The following GPR158 variants were observed in gnomAD, a reference collection of about 807,000 sequenced individuals.
The protein encoded by GPR158 is G protein-coupled receptor 158, also known as metabotropic glycine receptor.
Under a neutral mutation model 78.2 loss-of-function variants are expected in GPR158, and 30 were observed. The observed-to-expected ratio is 0.38, with a 90% CI of 0.29 to 0.52. The LOEUF is 0.52. GPR158 is among the 20% of genes least tolerant of loss of function. The pLI, the probability that GPR158 is intolerant of heterozygous loss-of-function variation, is 0.83. For synonymous variants in GPR158, 581 were observed against 591.1 expected, an observed-to-expected ratio of 0.98 and a Z score of 0.25; for missense variants, 1,463 against 1,523.5, an observed-to-expected ratio of 0.96 and a Z score of 0.66.
chr10:25,569,193 G>A (rs905916183), intron 6 of GPR158, among the ~76,000 whole-genome samples: 23 of 152,150 alleles, frequency 1.5e-4, no homozygotes, highest in African/African-American at 4.6e-4. Flanking sequence ...AGATTATAGG[G>A]ATCTGACAAT....
intron 5 of GPR158, among the ~76,000 whole-genome samples, chr10:25,542,110 G>C (rs1298125184): frequency 6.6e-6 from 1 of 151,804 alleles, no homozygotes; most frequent in Non-Finnish European, 1.5e-5. Flanking sequence ...CTAGTACACA[G>C]TAATCTTTTT....
chr10:25,203,664 A>G (rs979413068), intron 1 of GPR158, among the ~76,000 whole-genome samples: 1 of 145,202 alleles, frequency 6.9e-6, no homozygotes. Context: ...GTAGCCTTGT[A>G]GTATAGTTTG....
At chr10:25,463,452 T>C (rs78742422) in intron 4 of GPR158, among the ~76,000 whole-genome samples, 2,715 of 152,170 alleles carry the variant, frequency 0.018, 88 homozygotes, top group African/African-American at 0.063. Flanking sequence ...GATATATAGA[T>C]GAGGTATGCC....
At chr10:25,303,571 G>A (rs914221175) in intron 2 of GPR158, among the ~76,000 whole-genome samples, 28 of 152,222 alleles carry the variant, frequency 1.8e-4, no homozygotes, top group Admixed American at 6.5e-5. Context: ...TAATAGTGGC[G>A]CAAACCGTTA....
intron 2 of GPR158, among the ~76,000 whole-genome samples, chr10:25,243,355 C>T (rs542219725): frequency 2.0e-5 from 3 of 152,284 alleles, no homozygotes; most frequent in South Asian, 2.1e-4. Context: ...ATCTGGATTA[C>T]GTTATTCAGC....
chr10:25,535,325 A>T (rs1054510477), intron 5 of GPR158, among the ~76,000 whole-genome samples: 9 of 152,128 alleles, frequency 5.9e-5, no homozygotes, highest in Non-Finnish European at 1.2e-4. Flanking sequence ...TACAACTTTC[A>T]TCTTGCTAGA....
intron 2 of GPR158, among the ~76,000 whole-genome samples, chr10:25,337,983 T>G (rs1037175790): frequency 1.3e-5 from 2 of 152,006 alleles, no homozygotes; most frequent in African/African-American, 2.4e-5. Context: ...CCTTTTTTCT[T>G]ATTGACCTAT....
chr10:25,241,365 T>C (rs867506475), intron 2 of GPR158, among the ~76,000 whole-genome samples: 59 of 126,524 alleles, frequency 4.7e-4, no homozygotes, highest in African/African-American at 2.1e-3. Flanking sequence ...CTTTTCTCTT[T>C]TCTTTTCTCT....
chr10:25,501,912 C>T (rs1230272248), intron 5 of GPR158, among the ~76,000 whole-genome samples: 1 of 152,152 alleles, frequency 6.6e-6, no homozygotes, highest in South Asian at 2.1e-4. Flanking sequence ...CTCATCTCCT[C>T]ACACTGCTGT....
intron 2 of GPR158, among the ~76,000 whole-genome samples, chr10:25,344,644 A>G (rs1294481240): frequency 6.6e-6 from 1 of 152,038 alleles, no homozygotes; most frequent in Non-Finnish European, 1.5e-5. Flanking sequence ...GATGAAGCCC[A>G]GAAACTCCAG....
chr10:25,476,254 A>G (rs961753307), intron 5 of GPR158, among the ~76,000 whole-genome samples: 20 of 152,178 alleles, frequency 1.3e-4, no homozygotes, highest in African/African-American at 4.8e-4. Context: ...TTAAGAAAAA[A>G]CTAAAGTGTA....
At chr10:25,195,382 T>C (rs1438803232) in intron 1 of GPR158, among the ~76,000 whole-genome samples, 1 of 152,088 alleles carries the variant, frequency 6.6e-6, no homozygotes, top group Non-Finnish European at 1.5e-5. Flanking sequence ...AATTTTTGTA[T>C]TTTTGTAGAG....
Position 25,176,395 on chromosome 10 carries a change from T to C in GPR158, c.902+73T>C. 8.5e-7 allele frequency: 1 copy of C among 1,181,286 alleles called. No homozygotes were observed. Among genetic ancestry groups the C allele is most frequent in the Non-Finnish European group, 1.2e-6 (1 of 850,148 alleles). 73.2% of individuals were successfully genotyped at this position (1,181,286 alleles called of 1,614,324 possible). On this transcript the variant is annotated intron_variant, in intron 1 of 10. Coordinates refer to ENST00000376351, the MANE Select transcript of GPR158 (RefSeq NM_020752.3). The surrounding 1 kb of genome is among the most constrained non-coding windows in gnomAD (Gnocchi z 6.3). ...TTCCGGTCTTGTGGGTGGGTGCACG[T>C]GTGAGGAAGGAACCCTTGGCTGTGA...
At chr10:25,550,229 T>C (rs1836710335) in intron 5 of GPR158, among the ~76,000 whole-genome samples, 3 of 152,212 alleles carry the variant, frequency 2.0e-5, no homozygotes, top group Non-Finnish European at 2.9e-5. Context: ...CCTATTTCCA[T>C]GTCTCTTTTC....
chr10:25,279,149 C>T (rs993269765), intron 2 of GPR158, among the ~76,000 whole-genome samples: 16 of 152,218 alleles, frequency 1.1e-4, no homozygotes, highest in African/African-American at 3.1e-4. Flanking sequence ...AACACTACTA[C>T]TACTGCTGCT....
At position 25,471,131 on chromosome 10, in the gene GPR158, C is replaced by T. The variant is rs912416516; in HGVS notation, c.1404+4412C>T. Among the ~76,000 whole-genome samples, 7 of 143,428 alleles carry T rather than the reference C, an allele frequency of 4.9e-5. 1 individual carries two copies. The Admixed American group carries it at 4.9e-4, about 10-fold the overall frequency. The allele number at this position is 143,428 out of a possible 152,430, so 94.1% of individuals were successfully genotyped here. On this transcript the variant is annotated intron_variant, in intron 5 of 10. Coordinates refer to ENST00000376351, the MANE Select transcript of GPR158 (RefSeq NM_020752.3). ...CCCTCCCCCCACCCCATGACAGGCC[C>T]CGGTGTGTGATGTTCCCTCCCCTGT...
intron 5 of GPR158, among the ~76,000 whole-genome samples, chr10:25,508,158 ATTTT>A (rs955036536): frequency 3.3e-5 from 5 of 151,576 alleles, no homozygotes; most frequent in African/African-American, 1.2e-4. Context: ...TTATTTATTT[ATTTT>A]TTTTGTAACT....
intron 2 of GPR158, among the ~76,000 whole-genome samples, chr10:25,357,914 G>A (rs1855575459): frequency 6.6e-6 from 1 of 152,074 alleles, no homozygotes; most frequent in South Asian, 2.1e-4. Context: ...ACACTCAACA[G>A]CAGCCTGTGA....
At chr10:25,254,216 T>C (rs1235580926) in intron 2 of GPR158, among the ~76,000 whole-genome samples, 1 of 152,214 alleles carries the variant, frequency 6.6e-6, no homozygotes, top group Admixed American at 6.5e-5. Flanking sequence ...ACAAATTAAT[T>C]ATTTCTTTTT....
Sources: gnomAD v4.1 joint callset for allele counts (sites outside exome capture counted in the v4.1 genomes callset) on GRCh38, gnomAD v4.1.1 for gene constraint, Gnocchi (gnomAD v3.1) non-coding constraint, MANE v1.5 for transcripts, NCBI Gene and HGNC (gene_info 2026-07-23, HGNC 2026-07-21) for gene names.